Variants in MIGA2 observed in about 807,000 individuals in gnomAD.
MIGA2 encodes family with sequence similarity 73, member B.
MIGA2 carries 36 observed loss-of-function variants against 69.9 expected under a neutral mutation model. The ratio of observed to expected loss-of-function variants is 0.52; its 90% CI spans 0.39 to 0.68. The LOEUF (loss-of-function observed/expected upper bound fraction) is 0.68, where lower values mean the gene tolerates loss of function less well. MIGA2 is among the 30% of genes least tolerant of loss of function. The probability of loss-of-function intolerance (pLI) is 0.00; values close to 1 mark genes in which losing one functional copy is unlikely to be tolerated. For synonymous variants in MIGA2, 333 were observed against 349.2 expected, an observed-to-expected ratio of 0.95 and a Z score of 0.52; for missense variants, 660 against 787.7, an observed-to-expected ratio of 0.84 and a Z score of 1.94.
chr9:129,070,396 C>T lies in MIGA2; in HGVS notation c.1725C>T (p.Ser575=), dbSNP rs754279392. 4.3e-5 allele frequency: 69 copies of T among 1,611,020 alleles called. No homozygotes were observed. The highest frequency in any genetic ancestry group is 1.2e-4 in the African/African-American group (9 of 75,052). Reference sequence around the variant, plus strand: ...ACCTGGGGGTGCCCGCGGCCAGCAGCGCAGGCGTGAATGGGGCGCTGCCCC... The same window carrying T: ...ACCTGGGGGTGCCCGCGGCCAGCAGTGCAGGCGTGAATGGGGCGCTGCCCC... ...LGYLGVPAAS[S]AGVNGALPRE... The change falls in exon 16 of 16, where the codon AGC becomes AGT. Residue 575 remains serine, a synonymous_variant. Transcript: ENST00000684074.
intron 6 of MIGA2, among the ~76,000 whole-genome samples, chr9:129,052,111 C>T (rs1171562053): frequency 1.3e-5 from 2 of 151,878 alleles, no homozygotes; most frequent in African/African-American, 2.4e-5. Flanking sequence ...TAGGCGTGAG[C>T]CACCGCGCCC....
intron 6 of MIGA2, among the ~76,000 whole-genome samples, chr9:129,053,198 C>T (rs940005521): frequency 6.6e-6 from 1 of 152,168 alleles, no homozygotes; most frequent in African/African-American, 2.4e-5. Context: ...GGCGCCAGCA[C>T]CAGCTGTTCA....
chr9:129,039,614 A>G (rs1844791863), intron 1 of MIGA2, among the ~76,000 whole-genome samples: 1 of 152,020 alleles, frequency 6.6e-6, no homozygotes, highest in Non-Finnish European at 1.5e-5. Context: ...GCTGGAGTGC[A>G]GTGTTGTGAT....
Position 129,068,925 on chromosome 9 carries a change from A to T in MIGA2, c.1405-151A>T. 1 of 789,440 alleles carries T rather than the reference A, an allele frequency of 1.3e-6. No individual in the cohort carries two copies. The highest frequency in any genetic ancestry group is 2.0e-5 in the Admixed American group (1 of 49,818). 48.9% of individuals were successfully genotyped at this position (789,440 alleles called of 1,614,324 possible). A position where few individuals can be genotyped will look rare whatever the true frequency, so the allele number is the denominator to read the frequency against. ...GTATGTCTGAGTCCAAAATCAGAGG[A>T]GGAAGCAGCAGAGCTTAGGCACCTG... On this transcript the variant is annotated intron_variant, in intron 13 of 15. Coordinates refer to ENST00000684074, the MANE Select transcript of MIGA2 (RefSeq NM_001329990.2). This position sits in a 1 kb window ranked among gnomAD's most constrained non-coding sequence, Gnocchi z 4.1.
chr9:129,070,145 C>A, intron 15 of MIGA2, 102 bp from the exon 16 acceptor site: 1 of 1,393,314 alleles, frequency 7.2e-7, no homozygotes, highest in Non-Finnish European at 1.0e-6. Flanking sequence ...TGGAAAGGAC[C>A]GGCTGGGGCT....
At chr9:129,064,169 G>T (rs1400895487) in intron 11 of MIGA2, among the ~76,000 whole-genome samples, 1 of 151,908 alleles carries the variant, frequency 6.6e-6, no homozygotes, top group Non-Finnish European at 1.5e-5. Flanking sequence ...TTGCATCTCT[G>T]ATTATTGATG....
intron 3 of MIGA2, among the ~76,000 whole-genome samples, chr9:129,046,661 G>T (rs1438256762): frequency 2.9e-4 from 44 of 151,994 alleles, no homozygotes; most frequent in Admixed American, 2.9e-3. Context: ...TGACCAGGCT[G>T]GTCTCAAACT....
intron 15 of MIGA2, 133 bp downstream of exon 15, chr9:129,070,098 G>A: frequency 8.2e-7 from 1 of 1,224,760 alleles, no homozygotes; most frequent in Non-Finnish European, 1.2e-6. Flanking sequence ...GACCCACATG[G>A]GTCCAGAGGA....
chr9:129,039,079 G>A (rs1274882371), intron 1 of MIGA2, among the ~76,000 whole-genome samples: 4 of 151,858 alleles, frequency 2.6e-5, no homozygotes, highest in Non-Finnish European at 4.4e-5. Flanking sequence ...ACAGGCATGA[G>A]CCACCCCAGC....
rs978354070 is a variant in MIGA2, at chr9:129,071,440, C to A, written c.*987C>A. 1 of 152,298 alleles carries A rather than the reference C, an allele frequency of 6.6e-6. No homozygotes were observed. The highest frequency in any genetic ancestry group is 6.5e-5 in the Admixed American group (1 of 15,290). The allele number at this position is 152,298 out of a possible 1,614,324, so 9.4% of individuals were successfully genotyped here. On this transcript the variant is annotated 3_prime_UTR_variant, in exon 16 of 16. Coordinates refer to ENST00000684074, the MANE Select transcript of MIGA2 (RefSeq NM_001329990.2). The stretch of plus-strand genomic sequence containing the variant: ...TGTTAGCAGCGACGTCCCCCCGCCG[C>A]GGGGTCCTGTCAGCCCGGCAGTGTC...
rs1006605764 is a variant in MIGA2, at chr9:129,069,808, C to T, written c.1459-41C>T. 1.4e-6 allele frequency: 2 copies of T among 1,438,616 alleles called. No homozygotes were observed. The highest frequency in any genetic ancestry group is 1.4e-5 in the African/African-American group (1 of 71,196). 89.1% of individuals were successfully genotyped at this position (1,438,616 alleles called of 1,614,324 possible). A position where few individuals can be genotyped will look rare whatever the true frequency, so the allele number is the denominator to read the frequency against. On this transcript the variant is annotated intron_variant, in intron 14 of 15. Coordinates refer to ENST00000684074, the MANE Select transcript of MIGA2 (RefSeq NM_001329990.2). This position sits in a 1 kb window ranked among gnomAD's most constrained non-coding sequence, Gnocchi z 4.9. ...ACCTGGGCCTGGTGCCCTCATCCTACCTGGGCCCCGCCTGGCCCCTCAGCC... is the reference window on the plus strand; with the variant it reads ...ACCTGGGCCTGGTGCCCTCATCCTATCTGGGCCCCGCCTGGCCCCTCAGCC...
Position 129,050,053 on chromosome 9 carries a change from C to T in MIGA2, c.675+90C>T, listed in dbSNP as rs377291279. 7.9e-5 allele frequency: 119 copies of T among 1,499,618 alleles called. 1 individual carries two copies. The East Asian group carries it at 1.1e-3, about 14-fold the overall frequency. 92.9% of individuals were successfully genotyped at this position (1,499,618 alleles called of 1,614,324 possible). The stretch of plus-strand genomic sequence containing the variant: ...CCACACCTTGGGAGGCAGGCAGTCT[C>T]CTGTCCTCTGAGACTGCTGATTTCC... On this transcript the variant is annotated intron_variant, in intron 6 of 15. Coordinates refer to ENST00000684074, the MANE Select transcript of MIGA2 (RefSeq NM_001329990.2).
At chr9:129,050,579 T>A (rs1372641066) in intron 6 of MIGA2, among the ~76,000 whole-genome samples, 1 of 150,902 alleles carries the variant, frequency 6.6e-6, no homozygotes, top group Non-Finnish European at 1.5e-5. Context: ...AGCTGTTTTT[T>A]TTTTTTTTTT....
At chr9:129,050,960 G>A (rs375800640) in intron 6 of MIGA2, among the ~76,000 whole-genome samples, 119 of 151,418 alleles carry the variant, frequency 7.9e-4, no homozygotes, top group African/African-American at 2.1e-3. Flanking sequence ...TGCAACCTCC[G>A]CCTCCCGGGT....
chr9:129,064,285 C>T (rs1846221318), intron 11 of MIGA2, among the ~76,000 whole-genome samples: 3 of 151,906 alleles, frequency 2.0e-5, no homozygotes, highest in Admixed American at 2.0e-4. Context: ...CGGCTCACTG[C>T]AAGCTCCGCC....
At chr9:129,039,171 TTGTTTGTGTGTGTGTG>T (rs1564597269) in intron 1 of MIGA2, among the ~76,000 whole-genome samples, 3 of 126,366 alleles carry the variant, frequency 2.4e-5, no homozygotes, top group Admixed American at 8.3e-5. Flanking sequence ...GAGTAGCTCT[TTGTTTGTGTGTGTGTG>T]TGTGTGTGTG....
chr9:129,064,293 G>A (rs1284729141), intron 11 of MIGA2, among the ~76,000 whole-genome samples: 4 of 151,198 alleles, frequency 2.6e-5, no homozygotes, highest in South Asian at 2.1e-4. Flanking sequence ...TGCAAGCTCC[G>A]CCTCCCGGGT....
Position 129,061,192 on chromosome 9 carries a change from A to T in MIGA2, c.895-39A>T. On this transcript the variant is annotated intron_variant, in intron 8 of 15. Coordinates refer to ENST00000684074, the MANE Select transcript of MIGA2 (RefSeq NM_001329990.2). This position sits in a 1 kb window ranked among gnomAD's most constrained non-coding sequence, Gnocchi z 5.0. ...CCTTGCGCCGTGGCGTGCTGCTCAC[A>T]TGGGCTTCCCTGGTCTCTTCCTCTG... 1 of 1,567,546 alleles carries T rather than the reference A, an allele frequency of 6.4e-7. No homozygotes were observed. The highest frequency in any genetic ancestry group is 8.7e-7 in the Non-Finnish European group (1 of 1,148,330).
rs1384825466 is a variant in MIGA2 at position 129,070,580 on chromosome 9, C to T, written c.*127C>T. On this transcript the variant is annotated 3_prime_UTR_variant, in exon 16 of 16. Transcript: ENST00000684074. ...GCCCCACCCCCATCATCTGGGAGTC[C>T]CCAAGGCCCAGAGGGGACATTTCCA... 1 of 1,044,996 alleles carries T rather than the reference C, an allele frequency of 9.6e-7. No homozygotes were observed. Among genetic ancestry groups the T allele is most frequent in the Non-Finnish European group, 1.3e-6 (1 of 743,392 alleles). 64.7% of individuals were successfully genotyped at this position (1,044,996 alleles called of 1,614,324 possible).
Sources: gnomAD v4.1 joint callset for allele counts (sites outside exome capture counted in the v4.1 genomes callset) on GRCh38, gnomAD v4.1.1 for gene constraint, Gnocchi (gnomAD v3.1) non-coding constraint, MANE v1.5 for transcripts, NCBI Gene and HGNC (gene_info 2026-07-23, HGNC 2026-07-21) for gene names.